Variants in PTPRD observed in about 807,000 individuals in gnomAD.
PTPRD encodes the protein receptor-type tyrosine-protein phosphatase delta.
In PTPRD, 34 loss-of-function variants were observed where a neutral mutation model predicts 214.5. The ratio of observed to expected loss-of-function variants is 0.16; its 90% confidence interval spans 0.12 to 0.21. The LOEUF (loss-of-function observed/expected upper bound fraction) is 0.21. PTPRD is among the 10% of genes least tolerant of loss of function. PTPRD has a pLI of 1.00. For synonymous variants in PTPRD, 1,128 were observed against 845.7 expected (o/e 1.33, Z -5.79); for missense variants, 2,545 against 2,398.7 (o/e 1.06, Z -1.27).
intron 35 of PTPRD, among the ~76,000 whole-genome samples, chr9:8,434,720 A>G (rs1267232621): frequency 6.6e-6 from 1 of 152,182 alleles, no homozygotes; most frequent in Non-Finnish European, 1.5e-5. Context: ...AGTAGGTTGG[A>G]GTGATGAAAG....
chr9:9,363,907 T>A (rs1461986787), intron 9 of PTPRD, among the ~76,000 whole-genome samples: 1 of 151,444 alleles, frequency 6.6e-6, no homozygotes, highest in Non-Finnish European at 1.5e-5. Context: ...TTTTTCCATC[T>A]TATTAATGAA....
At chr9:9,213,516 TTTTGTTTG>T (rs77772280) in intron 9 of PTPRD, among the ~76,000 whole-genome samples, 57 of 151,684 alleles carry the variant, frequency 3.8e-4, no homozygotes, top group African/African-American at 1.3e-3. Flanking sequence ...TTTCCTGGTT[TTTTGTTTG>T]TTTGTTTGTT....
intron 11 of PTPRD, among the ~76,000 whole-genome samples, chr9:8,780,510 A>C (rs1490959562): frequency 1.3e-5 from 2 of 152,312 alleles, no homozygotes; most frequent in East Asian, 3.9e-4. Flanking sequence ...ATTTTGCAAC[A>C]CTGGGAGAAG....
intron 15 of PTPRD, 78 bp from the exon 16 acceptor site, chr9:8,527,431 C>T: frequency 1.4e-6 from 2 of 1,386,680 alleles, no homozygotes; most frequent in Non-Finnish European, 2.0e-6. Flanking sequence ...ACAAATTTTT[C>T]AGAGTTAAAG....
rs551133986 is a variant in PTPRD, at chr9:10,256,889, G to T, written c.-545+84074C>A. On this transcript the variant is annotated intron_variant, in intron 3 of 45. Transcript: ENST00000381196. ...TAAATACTCTATTTACTTAACTCCT[G>T]TTGGTTCTTCACATCTTAGTTCCAT... 4.0e-4 allele frequency among the ~76,000 whole-genome samples: 61 copies of T among 152,178 alleles called. 1 individual carries two copies. In the South Asian group the frequency reaches 0.012, roughly 30 times the overall value.
intron 8 of PTPRD, among the ~76,000 whole-genome samples, chr9:9,398,102 C>T (rs1359179510): frequency 1.3e-5 from 2 of 151,524 alleles, no homozygotes; most frequent in African/African-American, 4.8e-5. Context: ...TTCCTCCCTC[C>T]CTCCCTCCCT....
In PTPRD at chr9:8,465,766, G is replaced by A. The variant is rs868866633; in HGVS notation, c.3505-91C>T. 35 of 1,102,806 alleles carry A rather than the reference G, an allele frequency of 3.2e-5. No individual in the cohort carries two copies. The Middle Eastern group carries it at 8.4e-4, about 26-fold the overall frequency. 68.3% of individuals were successfully genotyped at this position (1,102,806 alleles called of 1,614,324 possible). On this transcript the variant is annotated intron_variant, in intron 31 of 45. Coordinates refer to ENST00000381196, the MANE Select transcript of PTPRD (RefSeq NM_002839.4). ...ATGAGATAAATTAATTCAGAACTGG[G>A]AACAACCCAAATGCAATTTGTTCAC...
At chr9:9,112,138 A>T (rs140126509) in intron 10 of PTPRD, among the ~76,000 whole-genome samples, 67 of 152,170 alleles carry the variant, frequency 4.4e-4, no homozygotes, top group African/African-American at 1.6e-3. Flanking sequence ...GAATAATTCC[A>T]CCTGTTTTGT....
intron 9 of PTPRD, among the ~76,000 whole-genome samples, chr9:9,288,609 T>C (rs1950227190): frequency 6.6e-6 from 1 of 152,048 alleles, no homozygotes; most frequent in Non-Finnish European, 1.5e-5. Context: ...AAGGTATCTG[T>C]ATTACAAAAA....
intron 14 of PTPRD, among the ~76,000 whole-genome samples, chr9:8,599,941 C>G (rs2094734522): frequency 6.6e-6 from 1 of 152,152 alleles, no homozygotes; most frequent in African/African-American, 2.4e-5. Context: ...TGGTAGAAAC[C>G]AAAAATCAAG....
chr9:9,465,817 A>T (rs1324508571), intron 8 of PTPRD, among the ~76,000 whole-genome samples: 1 of 152,028 alleles, frequency 6.6e-6, no homozygotes, highest in Admixed American at 6.6e-5. Context: ...CTTCCATGGA[A>T]ATCAAGACAG....
At chr9:9,134,536 T>G (rs1159854617) in intron 10 of PTPRD, among the ~76,000 whole-genome samples, 1 of 152,116 alleles carries the variant, frequency 6.6e-6, no homozygotes, top group Non-Finnish European at 1.5e-5. Context: ...AAATTGATAG[T>G]TTTAAATTGG....
Position 9,850,789 on chromosome 9 carries a change from C to G in PTPRD, c.-367-83938G>C, listed in dbSNP as rs2060413971. On this transcript the variant is annotated intron_variant, in intron 5 of 45. Transcript: ENST00000381196. Reference sequence around the variant, plus strand: ...TATTTTTGAATTTATACCTTCTAACCAAAATATTATATCCTTTGACCAACT... The same window carrying G: ...TATTTTTGAATTTATACCTTCTAACGAAAATATTATATCCTTTGACCAACT... 2.0e-5 allele frequency among the ~76,000 whole-genome samples: 3 copies of G among 152,106 alleles called. No individual in the cohort carries two copies. The South Asian group carries it at 6.2e-4, about 32-fold the overall frequency.
rs1015977851 is a variant in PTPRD at position 10,008,964 on chromosome 9, A to T, written c.-472+24754T>A. On this transcript the variant is annotated intron_variant, in intron 4 of 45. Coordinates refer to ENST00000381196, the MANE Select transcript of PTPRD (RefSeq NM_002839.4). ...ATTAGTTAATGGAAAATAACAAATG[A>T]TTGGATTTTATTTTTTCCCTTTTTT... Among the ~76,000 whole-genome samples, 4 of 151,328 alleles carry T rather than the reference A, an allele frequency of 2.6e-5. No individual in the cohort carries two copies. The East Asian group carries it at 7.7e-4, about 29-fold the overall frequency.
chr9:8,655,689 T>G (rs550796669), intron 12 of PTPRD, among the ~76,000 whole-genome samples: 12 of 152,052 alleles, frequency 7.9e-5, no homozygotes, highest in African/African-American at 2.9e-4. Context: ...TCACAATCTT[T>G]CTATTTTTTA....
intron 14 of PTPRD, among the ~76,000 whole-genome samples, chr9:8,599,186 C>G (rs575469799): frequency 6.6e-6 from 1 of 152,266 alleles, no homozygotes; most frequent in South Asian, 2.1e-4. Context: ...CATGACTTTA[C>G]TTCTCATTTG....
intron 7 of PTPRD, among the ~76,000 whole-genome samples, chr9:9,702,885 G>A (rs1381026333): frequency 2.0e-5 from 3 of 152,150 alleles, no homozygotes; most frequent in African/African-American, 4.8e-5. Flanking sequence ...GACTCTATTT[G>A]TATAGGGTGA....
chr9:8,851,074 G>C (rs1252073063), intron 11 of PTPRD, among the ~76,000 whole-genome samples: 1 of 151,850 alleles, frequency 6.6e-6, no homozygotes, highest in Non-Finnish European at 1.5e-5. Context: ...TTTGACCTCA[G>C]AGCAAACCCC....
chr9:10,033,955 T>C (rs984238038), intron 3 of PTPRD, among the ~76,000 whole-genome samples, 165 bp from the exon 4 acceptor site: 2 of 151,670 alleles, frequency 1.3e-5, no homozygotes, highest in Non-Finnish European at 2.9e-5. Context: ...AAAATGAGAG[T>C]CTATATTATT....
Sources: gnomAD v4.1 joint callset for allele counts (sites outside exome capture counted in the v4.1 genomes callset) on GRCh38, gnomAD v4.1.1 for gene constraint, MANE v1.5 for transcripts, NCBI Gene and HGNC (gene_info 2026-07-23, HGNC 2026-07-21) for gene names.